The following PREX1 variants were observed in gnomAD, a reference collection of about 807,000 sequenced individuals.
The protein encoded by PREX1 is phosphatidylinositol 3,4,5-trisphosphate-dependent Rac exchanger 1 protein.
Under a neutral mutation model 198.3 loss-of-function variants are expected in PREX1, and 41 were observed. The observed-to-expected ratio is 0.21, with a 90% CI of 0.16 to 0.27. PREX1 has a LOEUF of 0.27. Ranked by LOEUF, PREX1 falls within the 10% of genes least tolerant of loss-of-function variation. PREX1 has a pLI of 1.00. For missense variants in PREX1, 1,620 were observed against 2,200.7 expected, an observed-to-expected ratio of 0.74 and a Z score of 5.28; for synonymous variants, 843 against 887.2, an observed-to-expected ratio of 0.95 and a Z score of 0.89.
In PREX1 at chr20:48,625,133, T is replaced by G. The variant is rs2089260539; in HGVS notation, c.*752A>C. On this transcript the variant is annotated 3_prime_UTR_variant, in exon 40 of 40. Coordinates refer to ENST00000371941, the MANE Select transcript of PREX1 (RefSeq NM_020820.4). Reference sequence around the variant, plus strand: ...TGGTCCCCTGTTAGACAACATACCTTTCTTTGAAATGTAAAATGTCAAATA... The same window carrying G: ...TGGTCCCCTGTTAGACAACATACCTGTCTTTGAAATGTAAAATGTCAAATA... The G allele has an allele frequency of 6.6e-6, 1 of 152,648 alleles. No individual in the cohort carries two copies. Among genetic ancestry groups the G allele is most frequent in the African/African-American group, 2.4e-5 (1 of 41,446 alleles). The allele number at this position is 152,648 out of a possible 1,614,324, so 9.5% of individuals were successfully genotyped here.
In PREX1 at chr20:48,655,212, A is replaced by G; in HGVS notation, c.2209+78T>C. 5 of 1,350,908 alleles carry G rather than the reference A, an allele frequency of 3.7e-6. No individual in the cohort carries two copies. The South Asian group carries it at 6.9e-5, about 19-fold the overall frequency. The allele number at this position is 1,350,908 out of a possible 1,614,324, so 83.7% of individuals were successfully genotyped here. A position where few individuals can be genotyped will look rare whatever the true frequency, so the allele number is the denominator to read the frequency against. Reference sequence around the variant, plus strand: ...TGTCTGGCAGAAGCCTAGAGTTCAGAAGGCTCTGAACTCCTGCCACACAGA... The same window carrying G: ...TGTCTGGCAGAAGCCTAGAGTTCAGGAGGCTCTGAACTCCTGCCACACAGA... On this transcript the variant is annotated intron_variant, in intron 19 of 39. Coordinates refer to ENST00000371941, the MANE Select transcript of PREX1 (RefSeq NM_020820.4).
the PREX1 span, among the ~76,000 whole-genome samples, chr20:48,858,006 G>C: frequency 2.0e-5 from 3 of 152,266 alleles, no homozygotes; most frequent in Non-Finnish European, 4.4e-5. Context: ...CTGGAGCAGA[G>C]CAGAGCAGAC....
intron 5 of PREX1, among the ~76,000 whole-genome samples, chr20:48,715,490 G>A (rs1485410464): frequency 6.6e-6 from 1 of 152,182 alleles, no homozygotes; most frequent in African/African-American, 2.4e-5. Context: ...GGAAAAGGGA[G>A]GCATGGTCTC....
At chr20:48,797,991 T>C (rs146956332) in intron 1 of PREX1, among the ~76,000 whole-genome samples, 1 of 152,222 alleles carries the variant, frequency 6.6e-6, no homozygotes, top group African/African-American at 2.4e-5. Flanking sequence ...TTCTCTAGCT[T>C]TGCAATTCCA....
Position 48,651,572 on chromosome 20 carries a change from G to A in PREX1, c.2479C>T (p.Leu827=). The A allele has an allele frequency of 6.2e-7, 1 of 1,613,288 alleles. No homozygotes were observed. The change falls in exon 22 of 40, where the codon CTG becomes TTG. Residue 827 remains leucine, a synonymous_variant. Coordinates refer to ENST00000371941, the MANE Select transcript of PREX1 (RefSeq NM_020820.4). ...AGGCTCAGCCGGGGACCCAGGGACA[G>A]CAGTGGGAAGGCTGGAAGCCAAAAG... ...EDQADSAFPL[L]SLGPRLSLCE...
intron 4 of PREX1, among the ~76,000 whole-genome samples, chr20:48,730,599 C>T (rs901016375): frequency 9.2e-5 from 14 of 151,906 alleles, no homozygotes; most frequent in Admixed American, 6.6e-5. Context: ...GAATGTTCTT[C>T]GATCTTGGTG....
At chr20:48,632,230 T>G in intron 35 of PREX1, 47 bp downstream of exon 35, 2 of 1,577,746 alleles carry the variant, frequency 1.3e-6, no homozygotes, top group Non-Finnish European at 1.7e-6. Context: ...CCACTCCACG[T>G]GGAGGTTTCC....
intron 14 of PREX1, among the ~76,000 whole-genome samples, chr20:48,673,712 C>A (rs932412682): frequency 1.3e-5 from 2 of 152,164 alleles, no homozygotes. Flanking sequence ...TGTTTGTTTC[C>A]TGGTCTTACT....
the PREX1 span, among the ~76,000 whole-genome samples, chr20:48,839,600 T>C: frequency 3.9e-5 from 6 of 152,354 alleles, no homozygotes; most frequent in Admixed American, 3.9e-4. Flanking sequence ...AGTGTTCCAT[T>C]GCATGCTTGC....
intron 37 of PREX1, among the ~76,000 whole-genome samples, chr20:48,628,972 A>G (rs6125404): frequency 0.41 from 61,779 of 151,862 alleles, 12,697 homozygotes; most frequent in Middle Eastern, 0.55. Flanking sequence ...TGAGGGCTGC[A>G]GAGGAAGAGA....
chr20:48,639,671 G>A (rs2089393144), intron 30 of PREX1, 95 bp downstream of exon 30: 10 of 1,517,078 alleles, frequency 6.6e-6, no homozygotes, highest in Admixed American at 1.9e-5. Context: ...GAGAAACAGG[G>A]GTCACAGAAC....
intron 3 of PREX1, among the ~76,000 whole-genome samples, chr20:48,741,225 CCCTTAGGATGG>C (rs1241397067): frequency 1.3e-5 from 2 of 152,194 alleles, no homozygotes; most frequent in Non-Finnish European, 2.9e-5. Context: ...ACTGGCTTAG[CCCTTAGGATGG>C]CCTAAAGCCC....
At chr20:48,736,660 T>C (rs2090058344) in intron 3 of PREX1, among the ~76,000 whole-genome samples, 2 of 151,952 alleles carry the variant, frequency 1.3e-5, no homozygotes, top group Admixed American at 6.5e-5. Context: ...ACCTTGTGAG[T>C]GGGGGCTGCT....
intron 1 of PREX1, among the ~76,000 whole-genome samples, chr20:48,797,603 A>C (rs2090368928): frequency 6.6e-6 from 1 of 151,446 alleles, no homozygotes; most frequent in East Asian, 1.9e-4. Context: ...GCTCTTTCTC[A>C]ATGATCTTCC....
chr20:48,624,812 G>C lies in PREX1; in HGVS notation c.*1073C>G, dbSNP rs998688659. On this transcript the variant is annotated 3_prime_UTR_variant, in exon 40 of 40. Coordinates refer to ENST00000371941, the MANE Select transcript of PREX1 (RefSeq NM_020820.4). The stretch of plus-strand genomic sequence containing the variant: ...GTGTTTCCCAGTGACCCTCTAACCC[G>C]TGTGACACGGCACCTCAGGTGGGGC... 6.6e-6 allele frequency: 1 copy of C among 152,258 alleles called. No homozygotes were observed. The highest frequency in any genetic ancestry group is 1.5e-5 in the Non-Finnish European group (1 of 68,100). 9.4% of individuals were successfully genotyped at this position (152,258 alleles called of 1,614,324 possible).
At chr20:48,776,360 C>T (rs570754153) in intron 1 of PREX1, among the ~76,000 whole-genome samples, 19 of 152,304 alleles carry the variant, frequency 1.2e-4, no homozygotes, top group Admixed American at 3.3e-4. Context: ...CTCAGACAGC[C>T]GAGACAGGCG....
chr20:48,837,294 C>G, the PREX1 span, among the ~76,000 whole-genome samples: 2 of 152,202 alleles, frequency 1.3e-5, no homozygotes, highest in African/African-American at 4.8e-5. Context: ...ACAGAACTAC[C>G]ATTAGACCCA....
chr20:48,769,863 A>T (rs1315981180), intron 1 of PREX1, among the ~76,000 whole-genome samples: 2 of 152,182 alleles, frequency 1.3e-5, no homozygotes, highest in Admixed American at 1.3e-4. Flanking sequence ...AGAACACTAC[A>T]AATTTTCCTT....
chr20:48,681,849 T>C (rs542247255), intron 10 of PREX1, among the ~76,000 whole-genome samples: 21 of 152,026 alleles, frequency 1.4e-4, no homozygotes, highest in African/African-American at 4.8e-4. Flanking sequence ...GGGTCAGGGA[T>C]GGATCACAGA....
Sources: allele counts gnomAD v4.1 joint callset (sites outside exome capture counted in the v4.1 genomes callset), GRCh38; gene constraint gnomAD v4.1.1; transcripts MANE v1.5; gene names NCBI Gene and HGNC (gene_info 2026-07-23, HGNC 2026-07-21).